The following OIT3 variants were observed in gnomAD, a reference collection of about 807,000 sequenced individuals.
OIT3 encodes oncoprotein-induced transcript 3 protein.
In OIT3, 41 loss-of-function variants were observed where a neutral mutation model predicts 52.2. The observed-to-expected ratio is 0.79, with a 90% confidence interval of 0.61 to 1.02. OIT3 has a LOEUF of 1.02. Among genes scored for constraint, OIT3 ranks in the 50% least tolerant of loss-of-function variants. The pLI, the probability that OIT3 is intolerant of heterozygous loss-of-function variation, is 0.00. For synonymous variants in OIT3, 244 were observed against 276.9 expected, an observed-to-expected ratio of 0.88 and a Z score of 1.18; for missense variants, 634 against 715.5, an observed-to-expected ratio of 0.89 and a Z score of 1.30.
At chr10:72,908,047 A>C (rs1311801979) in intron 4 of OIT3, among the ~76,000 whole-genome samples, 2 of 152,180 alleles carry the variant, frequency 1.3e-5, no homozygotes, top group Non-Finnish European at 2.9e-5. Context: ...GTTCGTGATC[A>C]GCCTGGCCAA....
chr10:72,923,186 G>A (rs1049693356), intron 6 of OIT3, among the ~76,000 whole-genome samples: 12 of 152,054 alleles, frequency 7.9e-5, no homozygotes, highest in South Asian at 2.1e-4. Context: ...CTTTCCCCCC[G>A]GCATTTTAAC....
chr10:72,905,060 T>G (rs1845966759), intron 3 of OIT3, among the ~76,000 whole-genome samples: 1 of 152,106 alleles, frequency 6.6e-6, no homozygotes, highest in Non-Finnish European at 1.5e-5. Flanking sequence ...CTGAAACTAA[T>G]CTAATAGAGC....
intron 6 of OIT3, 61 bp from the exon 7 acceptor site, chr10:72,924,168 A>T: frequency 7.0e-7 from 1 of 1,419,264 alleles, no homozygotes. Context: ...GAGGAGGGGG[A>T]AAAAAAACTG....
chr10:72,897,785 T>C (rs1306478629), intron 1 of OIT3, among the ~76,000 whole-genome samples: 1 of 152,224 alleles, frequency 6.6e-6, no homozygotes, highest in East Asian at 1.9e-4. Context: ...GAAACGTGCT[T>C]TCCCATAATT....
At chr10:72,908,570 T>C (rs1344957344) in intron 4 of OIT3, among the ~76,000 whole-genome samples, 2 of 152,204 alleles carry the variant, frequency 1.3e-5, no homozygotes, top group Non-Finnish European at 2.9e-5. Context: ...ATAATAAGTC[T>C]AAATGTATTT....
chr10:72,927,084 A>G (rs967592963), intron 7 of OIT3, among the ~76,000 whole-genome samples: 7 of 152,176 alleles, frequency 4.6e-5, no homozygotes, highest in Admixed American at 1.3e-4. Context: ...AGCTTGTGAA[A>G]CTTATTTATA....
Position 72,924,515 on chromosome 10 carries a change from G to T in OIT3, c.1238G>T (p.Arg413Leu). 1.2e-6 allele frequency: 2 copies of T among 1,614,162 alleles called. No homozygotes were observed. Among genetic ancestry groups the T allele is most frequent in the Non-Finnish European group, 1.7e-6 (2 of 1,180,042 alleles). ...YREALPTLKL[R>L]DSLYFGIEPV... ...GAAGCTCTGCCCACCCTCAAGCTTC[G>T]TGACTCCCTCTACTTTGGCATTGAG... The change falls in exon 7 of 9, where the codon CGT becomes CTT. Residue 413 changes from arginine to leucine, a missense_variant. Arg to Leu is a moderately radical substitution (Grantham distance 102, BLOSUM62 -2). Transcript: ENST00000334011.
rs1382635827 is a variant in OIT3 at position 72,932,104 on chromosome 10, G to GT, written c.1468-243dup. On this transcript the variant is annotated intron_variant, in intron 8 of 8. Coordinates refer to ENST00000334011, the MANE Select transcript of OIT3 (RefSeq NM_152635.3). ...CTCCATGCAGGAGTTATGAATGTGGGTTTTTTTAATCACTCATGTGACTTA... is the reference window on the plus strand; with the variant it reads ...CTCCATGCAGGAGTTATGAATGTGGGTTTTTTTTAATCACTCATGTGACTTA... Among the ~76,000 whole-genome samples, 4 of 152,150 alleles carry GT rather than the reference G, an allele frequency of 2.6e-5. No homozygotes were observed. In the East Asian group the frequency reaches 7.7e-4, roughly 29 times the overall value.
chr10:72,895,689 T>C (rs1308644419), intron 1 of OIT3, among the ~76,000 whole-genome samples: 2 of 152,082 alleles, frequency 1.3e-5, no homozygotes, highest in African/African-American at 2.4e-5. Flanking sequence ...GACTCAACCC[T>C]GGGGCGAAAG....
intron 4 of OIT3, among the ~76,000 whole-genome samples, chr10:72,908,673 T>A (rs1441849226): frequency 3.9e-5 from 6 of 152,268 alleles, no homozygotes; most frequent in Admixed American, 3.3e-4. Context: ...ATTAATAAAA[T>A]GTTCCATAAA....
chr10:72,925,769 C>A lies in OIT3; in HGVS notation c.1367+1125C>A, dbSNP rs558427644. Among the ~76,000 whole-genome samples the A allele has an allele frequency of 3.6e-4, 55 of 152,188 alleles. No homozygotes were observed. In the South Asian group the frequency reaches 0.011, roughly 32 times the overall value. Reference sequence around the variant, plus strand: ...CAGGACCATATGCGCACGACCATGCCCAGCTAATTCTTTTTTTTCTAGAGA... The same window carrying A: ...CAGGACCATATGCGCACGACCATGCACAGCTAATTCTTTTTTTTCTAGAGA... On this transcript the variant is annotated intron_variant, in intron 7 of 8. Coordinates refer to ENST00000334011, the MANE Select transcript of OIT3 (RefSeq NM_152635.3).
chr10:72,921,233 G>A (rs1846118576), intron 6 of OIT3, among the ~76,000 whole-genome samples: 1 of 152,160 alleles, frequency 6.6e-6, no homozygotes, highest in Non-Finnish European at 1.5e-5. Context: ...TGGAAGCTAG[G>A]ATTGCAACTC....
Position 72,911,783 on chromosome 10 carries a change from A to T in OIT3, c.734A>T (p.Tyr245Phe), listed in dbSNP as rs1846030334. The change falls in exon 5 of 9, where the codon TAC becomes TTC. Residue 245 changes from tyrosine to phenylalanine, a missense_variant. Tyr to Phe is a conservative substitution (Grantham distance 22). Transcript: ENST00000334011. Reference protein sequence around the residue: ...SHSCLGSEKGYQCECPRGLVL... With the variant: ...SHSCLGSEKGFQCECPRGLVL... ...TCTTGCCTTGGATCTGAGAAAGGCT[A>T]CCAGTGTGAATGTCCCCGGGGCCTG... is the stretch of plus-strand genomic sequence containing the variant. The T allele has an allele frequency of 6.2e-7, 1 of 1,613,724 alleles. No individual in the cohort carries two copies. The highest frequency in any genetic ancestry group is 1.3e-5 in the African/African-American group (1 of 74,886).
chr10:72,899,399 A>G (rs984055563), intron 2 of OIT3, among the ~76,000 whole-genome samples: 1 of 152,132 alleles, frequency 6.6e-6, no homozygotes, highest in African/African-American at 2.4e-5. Flanking sequence ...GTTTAAGACC[A>G]GCCTGGCCAA....
At chr10:72,925,147 G>T (rs942356422) in intron 7 of OIT3, among the ~76,000 whole-genome samples, 2 of 149,348 alleles carry the variant, frequency 1.3e-5, no homozygotes, top group Non-Finnish European at 3.0e-5. Flanking sequence ...GCTCCAAGTG[G>T]TCTAACCCAG....
rs1338509322 is a variant in OIT3, at chr10:72,900,274, T to C, written c.437-103T>C. On this transcript the variant is annotated intron_variant, in intron 2 of 8. Coordinates refer to ENST00000334011, the MANE Select transcript of OIT3 (RefSeq NM_152635.3). ...GGGTTCGAGGCCAGCCTGGGCAACA[T>C]AGGGATACCACCCCCCCCGACCCCC... The C allele has an allele frequency of 7.5e-6, 5 of 668,526 alleles. No individual in the cohort carries two copies. The East Asian group carries it at 1.1e-4, about 15-fold the overall frequency. The allele number at this position is 668,526 out of a possible 1,614,324, so 41.4% of individuals were successfully genotyped here.
intron 2 of OIT3, 78 bp from the exon 3 acceptor site, chr10:72,900,299 C>G (rs1300198762): frequency 3.8e-6 from 3 of 783,264 alleles, no homozygotes; most frequent in Non-Finnish European, 6.4e-6. Flanking sequence ...CCCCGACCCC[C>G]CGCACCATCT....
At chr10:72,894,920 T>C (rs546373173) in intron 1 of OIT3, among the ~76,000 whole-genome samples, 1 of 151,934 alleles carries the variant, frequency 6.6e-6, no homozygotes, top group Non-Finnish European at 1.5e-5. Flanking sequence ...AAATGGTGAT[T>C]TGAGACCCTA....
In OIT3 at chr10:72,906,621, C is replaced by T. The variant is rs534372499; in HGVS notation, c.570C>T (p.Asn190=). 28 of 1,613,722 alleles carry T rather than the reference C, an allele frequency of 1.7e-5. No homozygotes were observed. The highest frequency in any genetic ancestry group is 2.2e-5 in the Non-Finnish European group (26 of 1,179,786). Residue 190 remains asparagine, a synonymous_variant, in exon 4 of 9, where the codon AAC becomes AAT. Transcript: ENST00000334011. ...ATGAAAATGAATGTGAGCAAAACAA[C>T]GGTGGCTGCAGTGAGATCTGTGTGA... The part of the protein sequence containing the change: ...CFDENECEQN[N]GGCSEICVNL...
Sources: gnomAD v4.1 joint callset for allele counts (sites outside exome capture counted in the v4.1 genomes callset) on GRCh38, gnomAD v4.1.1 for gene constraint, MANE v1.5 for transcripts, NCBI Gene and HGNC (gene_info 2026-07-23, HGNC 2026-07-21) for gene names.